Variants in FGD3 observed in about 807,000 individuals in gnomAD.
The protein encoded by FGD3 is FYVE, RhoGEF and PH domain-containing protein 3.
FGD3 carries 45 observed loss-of-function variants against 71.8 expected under a neutral mutation model. The observed-to-expected ratio is 0.63, with a 90% CI of 0.49 to 0.80. The LOEUF (loss-of-function observed/expected upper bound fraction) is 0.80, where lower values mean the gene tolerates loss of function less well. FGD3 is among the 30% of genes least tolerant of loss of function. The probability of loss-of-function intolerance (pLI) is 0.00; values close to 1 mark genes in which losing one functional copy is unlikely to be tolerated. For missense variants in FGD3, 844 were observed against 951.5 expected (o/e 0.89, Z 1.49); for synonymous variants, 378 against 392.8 (o/e 0.96, Z 0.44).
chr9:92,961,663 C>T (rs939531896), intron 1 of FGD3, among the ~76,000 whole-genome samples: 2 of 152,164 alleles, frequency 1.3e-5, no homozygotes, highest in Non-Finnish European at 2.9e-5. Flanking sequence ...TTGGCTATGG[C>T]TTGGGGACCT....
chr9:92,997,633 A>G (rs1372484433), intron 3 of FGD3, among the ~76,000 whole-genome samples: 1 of 152,116 alleles, frequency 6.6e-6, no homozygotes, highest in East Asian at 1.9e-4. Context: ...TTCCATATTT[A>G]GTGCTTCCTT....
chr9:93,026,871 C>T (rs1430250503), intron 14 of FGD3, among the ~76,000 whole-genome samples: 5 of 152,378 alleles, frequency 3.3e-5, no homozygotes, highest in South Asian at 2.1e-4. Flanking sequence ...GTCCCCCTTC[C>T]GGGGTCAAGA....
chr9:93,013,862 A>G lies in FGD3; in HGVS notation c.1046A>G (p.His349Arg). 1 of 1,612,778 alleles carries G rather than the reference A, an allele frequency of 6.2e-7. No homozygotes were observed. The highest frequency in any genetic ancestry group is 8.5e-7 in the Non-Finnish European group (1 of 1,179,544). Residue 349 changes from histidine to arginine, a missense_variant, in exon 9 of 18, where the codon CAC becomes CGC. Physicochemically the swap from His to Arg is conservative, Grantham distance 29 (BLOSUM62 0). Coordinates refer to ENST00000375482, the MANE Select transcript of FGD3 (RefSeq NM_001083536.2). ...NAAIRKVEKM[H>R]KLLEVYEQLG... ...CCATGTCTCTTGCAGGAGAAAATGCACAAGCTCTTGGAGGTGTACGAGCAG... is the reference window on the plus strand; with the variant it reads ...CCATGTCTCTTGCAGGAGAAAATGCGCAAGCTCTTGGAGGTGTACGAGCAG...
chr9:92,982,883 C>T (rs909695245), intron 3 of FGD3, among the ~76,000 whole-genome samples: 4 of 151,830 alleles, frequency 2.6e-5, no homozygotes, highest in East Asian at 1.9e-4. Flanking sequence ...GTCAGGAGTT[C>T]AAGACCAGCC....
In FGD3 at chr9:93,023,795, C is replaced by CTTTTTTTTTTT. The variant is rs569058583; in HGVS notation, c.1557+1422_1557+1432dup. On this transcript the variant is annotated intron_variant, in intron 14 of 17. Transcript: ENST00000375482. Reference sequence around the variant, plus strand: ...ATGACAGGAACCCGCCCATCAGCAACTTTTTTTTTTTTTTTTTTTTTTTTT... The same window carrying CTTTTTTTTTTT: ...ATGACAGGAACCCGCCCATCAGCAACTTTTTTTTTTTTTTTTTTTTTTTTTTTTTTTTTTTT... 2.8e-4 allele frequency among the ~76,000 whole-genome samples: 30 copies of CTTTTTTTTTTT among 107,688 alleles called. 2 individuals are homozygous for CTTTTTTTTTTT. Among genetic ancestry groups the CTTTTTTTTTTT allele is most frequent in the Non-Finnish European group, 5.2e-4 (29 of 55,506 alleles). 70.6% of individuals were successfully genotyped at this position (107,688 alleles called of 152,430 possible). A position where few individuals can be genotyped will look rare whatever the true frequency, so the allele number is the denominator to read the frequency against.
chr9:93,035,433 G>A lies in FGD3; in HGVS notation c.2022G>A (p.Leu674=). 1.9e-6 allele frequency: 3 copies of A among 1,612,538 alleles called. No homozygotes were observed. Among genetic ancestry groups the A allele is most frequent in the Non-Finnish European group, 1.7e-6 (2 of 1,179,516 alleles). ...ERLDSGHVWK[L]QWAKQSWYLS... Reference sequence around the variant, plus strand: ...TGGACTCGGGGCATGTGTGGAAGCTGCAGTGGGCCAAGCAGTCCTGGTACC... The same window carrying A: ...TGGACTCGGGGCATGTGTGGAAGCTACAGTGGGCCAAGCAGTCCTGGTACC... Residue 674 remains leucine (L), a synonymous_variant, in exon 18 of 18, where the codon CTG becomes CTA. Coordinates refer to ENST00000375482, the MANE Select transcript of FGD3 (RefSeq NM_001083536.2).
At chr9:93,005,886 C>T (rs1861029893) in intron 5 of FGD3, 138 bp from the exon 6 acceptor site, 2 of 856,364 alleles carry the variant, frequency 2.3e-6, no homozygotes, top group African/African-American at 3.4e-5. Flanking sequence ...AGCTAAGGCT[C>T]AGAGAGGGTG....
chr9:93,013,457 G>A (rs1415749852), intron 8 of FGD3, among the ~76,000 whole-genome samples: 1 of 152,186 alleles, frequency 6.6e-6, no homozygotes, highest in African/African-American at 2.4e-5. Flanking sequence ...AGTCACCATG[G>A]TCAGGGGAAG....
intron 3 of FGD3, among the ~76,000 whole-genome samples, chr9:92,981,167 G>A (rs1370317617): frequency 3.3e-5 from 5 of 150,858 alleles, no homozygotes; most frequent in African/African-American, 4.9e-5. Context: ...AGGAGATCGA[G>A]ACCATCCTGG....
At chr9:92,994,308 G>C (rs1860543146) in intron 3 of FGD3, among the ~76,000 whole-genome samples, 1 of 151,988 alleles carries the variant, frequency 6.6e-6, no homozygotes, top group Admixed American at 6.6e-5. Context: ...CTTTTTGATG[G>C]GGTTGTTTGA....
At chr9:92,976,897 G>T (rs1377961307) in intron 3 of FGD3, among the ~76,000 whole-genome samples, 188 bp downstream of exon 3, 1 of 152,134 alleles carries the variant, frequency 6.6e-6, no homozygotes, top group African/African-American at 2.4e-5. Flanking sequence ...ATCCATGCAG[G>T]CCAGGCCAAG....
At chr9:93,004,390 T>C (rs1204376998) in intron 5 of FGD3, among the ~76,000 whole-genome samples, 1 of 152,222 alleles carries the variant, frequency 6.6e-6, no homozygotes, top group African/African-American at 2.4e-5. Context: ...AACGCCCCAC[T>C]TGGGGCTCTG....
chr9:93,021,091 C>T (rs1042251119), intron 13 of FGD3, among the ~76,000 whole-genome samples: 4 of 152,372 alleles, frequency 2.6e-5, no homozygotes, highest in Middle Eastern at 3.4e-3. Context: ...GAACTGGCAT[C>T]ACAGGGCTGT....
intron 3 of FGD3, among the ~76,000 whole-genome samples, chr9:93,001,112 C>T (rs951173046): frequency 1.3e-5 from 2 of 152,154 alleles, no homozygotes; most frequent in African/African-American, 4.8e-5. Context: ...TGTATTTCAG[C>T]TCCAGAATGT....
chr9:92,971,701 G>A (rs913367457), intron 1 of FGD3, among the ~76,000 whole-genome samples: 3 of 148,326 alleles, frequency 2.0e-5, no homozygotes, highest in Admixed American at 6.9e-5. Context: ...TCAGCCTTTC[G>A]AGTAGCTGGG....
At chr9:93,019,763 A>T in intron 11 of FGD3, 68 bp from the exon 12 acceptor site, 1 of 1,467,056 alleles carries the variant, frequency 6.8e-7, no homozygotes, top group Non-Finnish European at 9.6e-7. Context: ...TGCAGGGTTG[A>T]GAGAGGGCTG....
chr9:93,034,203 C>T (rs988309982), intron 16 of FGD3: 12 of 252,882 alleles, frequency 4.7e-5, no homozygotes, highest in Admixed American at 1.7e-4. Flanking sequence ...GTGTGTAGAA[C>T]TGACACGCTT....
At chr9:93,019,643 C>A (rs1427514007) in intron 11 of FGD3, among the ~76,000 whole-genome samples, 188 bp from the exon 12 acceptor site, 1 of 152,194 alleles carries the variant, frequency 6.6e-6, no homozygotes, top group African/African-American at 2.4e-5. Flanking sequence ...CTGCAGAGGG[C>A]TCCACATGGC....
intron 3 of FGD3, among the ~76,000 whole-genome samples, chr9:93,001,708 A>C (rs1449229569): frequency 2.6e-5 from 4 of 152,182 alleles, no homozygotes; most frequent in Admixed American, 2.6e-4. Flanking sequence ...ATGTCTGGGC[A>C]CTGATTTCCC....
Sources: gnomAD v4.1 joint callset for allele counts (sites outside exome capture counted in the v4.1 genomes callset) on GRCh38, gnomAD v4.1.1 for gene constraint, MANE v1.5 for transcripts, NCBI Gene and HGNC (gene_info 2026-07-23, HGNC 2026-07-21) for gene names.